Variants in RNF130 observed in about 807,000 individuals in gnomAD.
RNF130 encodes ring finger protein 130.
RNF130 carries 21 observed loss-of-function variants against 44.6 expected under a neutral mutation model. The ratio of observed to expected loss-of-function variants is 0.47; its 90% CI spans 0.33 to 0.68. The LOEUF (loss-of-function observed/expected upper bound fraction) is 0.68. Among genes scored for constraint, RNF130 ranks in the 30% least tolerant of loss-of-function variants. The pLI is 0.02. For missense variants in RNF130, 479 were observed against 560.6 expected, an observed-to-expected ratio of 0.85 and a Z score of 1.47; for synonymous variants, 214 against 210.4, an observed-to-expected ratio of 1.02 and a Z score of -0.15.
exon 8 of RNF130, chr5:179,918,380 T>C (rs574854181): frequency 1.3e-5 from 2 of 152,338 alleles, no homozygotes; most frequent in South Asian, 4.1e-4. Flanking sequence ...TACACATTGG[T>C]AAGACCTCAA....
At chr5:180,023,857 A>G (rs149834990) in intron 2 of RNF130, among the ~76,000 whole-genome samples, 3 of 152,358 alleles carry the variant, frequency 2.0e-5, no homozygotes, top group Non-Finnish European at 4.4e-5. Context: ...AGTGGTGTCA[A>G]AAGTTATCAT....
intron 8 of RNF130, among the ~76,000 whole-genome samples, chr5:179,959,868 T>G (rs1444550079): frequency 6.6e-6 from 1 of 152,176 alleles, no homozygotes; most frequent in Non-Finnish European, 1.5e-5. Context: ...CACTTCAGAT[T>G]CATTTCCTCA....
intron 7 of RNF130, among the ~76,000 whole-genome samples, chr5:179,965,091 A>G (rs985469680): frequency 6.6e-6 from 1 of 152,214 alleles, no homozygotes; most frequent in Non-Finnish European, 1.5e-5. Flanking sequence ...CGTCACATCT[A>G]TGCTTCCAAA....
In RNF130 at chr5:179,978,235, C is replaced by T; in HGVS notation, c.816G>A (p.Lys272=). The part of the protein sequence containing the change: ...DHCAVCIESY[K]QNDVVRILPC... ...GGAGAATTCGGACGACATCATTCTG[C>T]TTATAGCTCTCTATGCAGACTGCAC... The change falls in exon 5 of 9, where the codon AAG becomes AAA. Residue 272 remains lysine, a synonymous_variant. Coordinates refer to ENST00000521389, the MANE Select transcript of RNF130 (RefSeq NM_018434.6). 2 of 1,614,088 alleles carry T rather than the reference C, an allele frequency of 1.2e-6. No individual in the cohort carries two copies. The highest frequency in any genetic ancestry group is 8.5e-7 in the Non-Finnish European group (1 of 1,179,918).
chr5:180,041,605 C>T (rs1764419690), intron 1 of RNF130, among the ~76,000 whole-genome samples: 1 of 152,162 alleles, frequency 6.6e-6, no homozygotes, highest in Non-Finnish European at 1.5e-5. Context: ...AGAAGGGCAG[C>T]CCAGAAGGGG....
At chr5:179,976,613 T>A (rs141118310) in intron 5 of RNF130, among the ~76,000 whole-genome samples, 16 of 152,334 alleles carry the variant, frequency 1.1e-4, no homozygotes, top group African/African-American at 3.4e-4. Flanking sequence ...TAGATTTTCC[T>A]TTATATGTAA....
At chr5:179,963,824 G>A (rs1469773195) in intron 7 of RNF130, 5 of 455,966 alleles carry the variant, frequency 1.1e-5, no homozygotes, top group African/African-American at 3.9e-5. Context: ...TGTGAGGAGT[G>A]TAGCCACCAA....
At chr5:180,068,311 AGT>A (rs71769924) in intron 1 of RNF130, among the ~76,000 whole-genome samples, 16,694 of 152,196 alleles carry the variant, frequency 0.11, 1,966 homozygotes, top group African/African-American at 0.3. Flanking sequence ...TCACCATTTG[AGT>A]AAGTAATAAG....
At chr5:180,041,169 G>A (rs760235139) in intron 1 of RNF130, among the ~76,000 whole-genome samples, 2 of 152,200 alleles carry the variant, frequency 1.3e-5, no homozygotes, top group African/African-American at 2.4e-5. Context: ...AACCATGTTA[G>A]AGCAAATTTC....
intron 7 of RNF130, among the ~76,000 whole-genome samples, chr5:179,946,305 G>A (rs1433915641): frequency 6.6e-6 from 1 of 152,190 alleles, no homozygotes; most frequent in Non-Finnish European, 1.5e-5. Flanking sequence ...TCTGTGTGTG[G>A]TCAGGAGGAA....
At chr5:179,985,482 G>A (rs864137) in intron 3 of RNF130, among the ~76,000 whole-genome samples, 97,686 of 151,838 alleles carry the variant, frequency 0.64, 32,564 homozygotes, top group African/African-American at 0.84. Context: ...GGTCAAGAAG[G>A]CCACTCTGAA....
At chr5:180,016,511 C>A (rs1247392125) in intron 2 of RNF130, among the ~76,000 whole-genome samples, 1 of 152,224 alleles carries the variant, frequency 6.6e-6, no homozygotes, top group African/African-American at 2.4e-5. Context: ...TAGTAAGTCA[C>A]GGATGCGGCC....
chr5:180,015,594 AG>A (rs1223525531), intron 2 of RNF130, among the ~76,000 whole-genome samples: 1 of 64,902 alleles, frequency 1.5e-5, no homozygotes, highest in Non-Finnish European at 3.2e-5. Context: ...GGAAAGGAGT[AG>A]GGAAAGGAGT....
At chr5:179,925,861 G>A (rs578234824) in intron 7 of RNF130, among the ~76,000 whole-genome samples, 5 of 152,172 alleles carry the variant, frequency 3.3e-5, no homozygotes, top group African/African-American at 4.8e-5. Flanking sequence ...GTTGGAAGAC[G>A]TAGGCCCAGA....
intron 7 of RNF130, among the ~76,000 whole-genome samples, chr5:179,949,356 T>C (rs971683565): frequency 6.6e-6 from 1 of 151,904 alleles, no homozygotes; most frequent in African/African-American, 2.4e-5. Context: ...CCTTGAACTC[T>C]TGGGCTCAAG....
intron 1 of RNF130, among the ~76,000 whole-genome samples, chr5:180,053,033 C>T (rs968256768): frequency 6.6e-6 from 1 of 152,134 alleles, no homozygotes; most frequent in African/African-American, 2.4e-5. Context: ...GTACGTCCTT[C>T]AAGGAATCCC....
At chr5:180,065,772 AC>A (rs201562433) in intron 1 of RNF130, among the ~76,000 whole-genome samples, 12,012 of 147,904 alleles carry the variant, frequency 0.081, 633 homozygotes, top group East Asian at 0.2. Flanking sequence ...AAAAAAAAAA[AC>A]AACTATGTAA....
intron 8 of RNF130, among the ~76,000 whole-genome samples, chr5:179,962,855 G>A (rs1418411112): frequency 1.3e-5 from 2 of 152,110 alleles, no homozygotes; most frequent in East Asian, 1.9e-4. Flanking sequence ...CAACCCCACC[G>A]ACAGACGTCC....
chr5:179,966,585 A>C (rs1338390417), intron 7 of RNF130, among the ~76,000 whole-genome samples: 3 of 152,248 alleles, frequency 2.0e-5, no homozygotes, highest in Admixed American at 6.5e-5. Context: ...ACAGCTACTC[A>C]TCAAATGCAG....
Sources: allele counts gnomAD v4.1 joint callset (sites outside exome capture counted in the v4.1 genomes callset), GRCh38; gene constraint gnomAD v4.1.1; transcripts MANE v1.5; gene names NCBI Gene and HGNC (gene_info 2026-07-23, HGNC 2026-07-21).